GAD2: variants seen among roughly 807,000 people sequenced by gnomAD.
The protein encoded by GAD2 is glutamate decarboxylase 2.
GAD2 carries 22 observed loss-of-function variants against 80.1 expected under a neutral mutation model. The observed-to-expected ratio is 0.27, with a 90% confidence interval of 0.20 to 0.39. The LOEUF is 0.39. Among genes scored for constraint, GAD2 ranks in the 10% least tolerant of loss-of-function variants. GAD2 has a pLI of 1.00. For missense variants in GAD2, 624 were observed against 738.4 expected, an observed-to-expected ratio of 0.85 and a Z score of 1.80; for synonymous variants, 274 against 256.9, an observed-to-expected ratio of 1.07 and a Z score of -0.64.
rs193109961 is a variant in GAD2 at position 26,284,554 on chromosome 10, G to A, written c.1237-1791G>A. On this transcript the variant is annotated intron_variant, in intron 12 of 15. Transcript: ENST00000376261. ...TCATGTTGTACAGTAATGAGACTGC[G>A]GCTGTTCAGCTTTTTTTTTTTTTTT... is the stretch of plus-strand genomic sequence containing the variant. 1.1e-4 allele frequency among the ~76,000 whole-genome samples: 16 copies of A among 147,138 alleles called. No individual in the cohort carries two copies. In the East Asian group the frequency reaches 1.4e-3, roughly 13 times the overall value.
chr10:26,257,542 T>C lies in GAD2; in HGVS notation c.920+11542T>C, dbSNP rs532660294. On this transcript the variant is annotated intron_variant, in intron 8 of 15. Transcript: ENST00000376261. Reference sequence around the variant, plus strand: ...AAATAAATCTGACCAAGACGCATGATACCTAGTGGCATAGGACTACAAGAG... The same window carrying C: ...AAATAAATCTGACCAAGACGCATGACACCTAGTGGCATAGGACTACAAGAG... Among the ~76,000 whole-genome samples the C allele has an allele frequency of 2.0e-5, 3 of 152,362 alleles. No homozygotes were observed. In the South Asian group the frequency reaches 6.2e-4, roughly 32 times the overall value.
intron 12 of GAD2, 115 bp downstream of exon 12, chr10:26,281,202 C>T (rs1298555125): frequency 2.9e-6 from 2 of 681,354 alleles, no homozygotes; most frequent in African/African-American, 1.8e-5. Context: ...GTCCTACTCA[C>T]ATTCCCCAGA....
At chr10:26,283,894 G>A (rs944982878) in intron 12 of GAD2, among the ~76,000 whole-genome samples, 6 of 152,190 alleles carry the variant, frequency 3.9e-5, no homozygotes, top group Non-Finnish European at 8.8e-5. Context: ...AGGCTGTGGG[G>A]AGCTGGTTTA....
At chr10:26,246,267 A>G (rs1844808458) in intron 8 of GAD2, among the ~76,000 whole-genome samples, 1 of 152,216 alleles carries the variant, frequency 6.6e-6, no homozygotes, top group Admixed American at 6.5e-5. Flanking sequence ...AAGTGCAGAA[A>G]GACTTTCATC....
chr10:26,298,367 G>A (rs945980245), intron 15 of GAD2, among the ~76,000 whole-genome samples: 3 of 152,064 alleles, frequency 2.0e-5, no homozygotes, highest in African/African-American at 7.2e-5. Context: ...TTCATGTTCC[G>A]GCTAATTTTA....
intron 7 of GAD2, among the ~76,000 whole-genome samples, chr10:26,230,685 T>C (rs1844590458): frequency 6.6e-6 from 1 of 152,120 alleles, no homozygotes; most frequent in African/African-American, 2.4e-5. Context: ...TCCTTCCACC[T>C]CGGCCTCCCA....
chr10:26,246,787 A>C (rs923513952), intron 8 of GAD2, among the ~76,000 whole-genome samples: 2 of 152,242 alleles, frequency 1.3e-5, no homozygotes, highest in African/African-American at 4.8e-5. Context: ...CAGTGTCGTC[A>C]GAAGGAGATA....
intron 8 of GAD2, among the ~76,000 whole-genome samples, chr10:26,251,300 C>G (rs1191921575): frequency 1.3e-5 from 2 of 152,104 alleles, no homozygotes; most frequent in African/African-American, 4.8e-5. Context: ...ATGAATATGT[C>G]AGAAAGCATT....
At chr10:26,224,485 G>A in intron 5 of GAD2, 54 bp from the exon 6 acceptor site, 1 of 1,029,598 alleles carries the variant, frequency 9.7e-7, no homozygotes, top group Non-Finnish European at 1.5e-6. Context: ...TGTAATGATT[G>A]TAAATTATTT....
intron 15 of GAD2, among the ~76,000 whole-genome samples, chr10:26,294,037 C>A (rs890872399): frequency 6.6e-6 from 1 of 152,238 alleles, no homozygotes; most frequent in Non-Finnish European, 1.5e-5. Flanking sequence ...AGCACTTATA[C>A]ATGGGTGAAA....
intron 8 of GAD2, among the ~76,000 whole-genome samples, chr10:26,256,890 A>G (rs1274137349): frequency 2.6e-5 from 4 of 152,156 alleles, no homozygotes; most frequent in Non-Finnish European, 4.4e-5. Context: ...TTCACCCACT[A>G]GTTTAGCATC....
rs185314058 is a variant in GAD2, at chr10:26,300,898, G to A, written c.1695G>A (p.Ala565=). 2.1e-5 allele frequency: 34 copies of A among 1,613,824 alleles called. No individual in the cohort carries two copies. Among genetic ancestry groups the A allele is most frequent in the East Asian group, 1.8e-4 (8 of 44,856 alleles). ...TCCGCATGGTCATCTCAAACCCAGC[G>A]GCAACTCACCAAGACATTGACTTCC... is the stretch of plus-strand genomic sequence containing the variant. ...NFFRMVISNP[A]ATHQDIDFLI... is the part of the protein sequence containing the mutation. The change falls in exon 16 of 16, where the codon GCG becomes GCA. Residue 565 remains alanine, a synonymous_variant. Coordinates refer to ENST00000376261, the MANE Select transcript of GAD2 (RefSeq NM_001134366.2).
intron 6 of GAD2, among the ~76,000 whole-genome samples, chr10:26,228,777 A>G (rs1844561400): frequency 6.6e-6 from 1 of 152,186 alleles, no homozygotes; most frequent in South Asian, 2.1e-4. Flanking sequence ...GAACAGTTTC[A>G]TCCCAAAAGC....
intron 7 of GAD2, among the ~76,000 whole-genome samples, chr10:26,242,639 G>T (rs947177409): frequency 2.0e-5 from 3 of 152,036 alleles, no homozygotes; most frequent in Non-Finnish European, 4.4e-5. Context: ...CTCGATGTTT[G>T]CTACCTAATT....
In GAD2 at chr10:26,218,148, G is replaced by A. The variant is rs932934929; in HGVS notation, c.286+157G>A. On this transcript the variant is annotated intron_variant, in intron 3 of 15. Coordinates refer to ENST00000376261, the MANE Select transcript of GAD2 (RefSeq NM_001134366.2). Reference sequence around the variant, plus strand: ...ATCTTCAGATAAAAGCGAGAAATGCGGGACCTGCCCGCTGGGTCCAAGCCC... The same window carrying A: ...ATCTTCAGATAAAAGCGAGAAATGCAGGACCTGCCCGCTGGGTCCAAGCCC... The A allele has an allele frequency of 6.4e-6, 5 of 782,482 alleles. 1 individual carries two copies. The Admixed American group carries it at 1.0e-4, about 16-fold the overall frequency. The allele number at this position is 782,482 out of a possible 1,614,324, so 48.5% of individuals were successfully genotyped here. A position where few individuals can be genotyped will look rare whatever the true frequency, so the allele number is the denominator to read the frequency against.
intron 8 of GAD2, among the ~76,000 whole-genome samples, chr10:26,260,407 T>C (rs564505741): frequency 6.6e-6 from 1 of 152,134 alleles, no homozygotes; most frequent in African/African-American, 2.4e-5. Flanking sequence ...GGTGGGCAGA[T>C]CACCTGAGGT....
chr10:26,283,295 A>C (rs1412171278), intron 12 of GAD2, among the ~76,000 whole-genome samples: 1 of 152,232 alleles, frequency 6.6e-6, no homozygotes. Context: ...AAATGTGTGT[A>C]GGAATGGAAT....
intron 7 of GAD2, among the ~76,000 whole-genome samples, chr10:26,236,406 T>C (rs1844672820): frequency 6.6e-6 from 1 of 150,712 alleles, no homozygotes; most frequent in African/African-American, 2.5e-5. Flanking sequence ...GATCAAGCAA[T>C]GGTCCTGCCT....
At chr10:26,269,285 G>A in intron 9 of GAD2, 112 bp downstream of exon 9, 2 of 773,750 alleles carry the variant, frequency 2.6e-6, no homozygotes, top group Non-Finnish European at 4.1e-6. Context: ...CAATCTCCCA[G>A]GTTTAATGAG....
Sources: allele counts gnomAD v4.1 joint callset (sites outside exome capture counted in the v4.1 genomes callset), GRCh38; gene constraint gnomAD v4.1.1; transcripts MANE v1.5; gene names NCBI Gene and HGNC (gene_info 2026-07-23, HGNC 2026-07-21).